Variants in PTPRD observed in about 807,000 individuals in gnomAD.
PTPRD encodes receptor-type tyrosine-protein phosphatase delta.
PTPRD carries 34 observed loss-of-function variants against 214.5 expected under a neutral mutation model. The ratio of observed to expected loss-of-function variants is 0.16; its 90% CI spans 0.12 to 0.21. The LOEUF (loss-of-function observed/expected upper bound fraction) is 0.21, where lower values mean the gene tolerates loss of function less well. Among genes scored for constraint, PTPRD ranks in the 10% least tolerant of loss-of-function variants. The probability of loss-of-function intolerance (pLI) is 1.00; values close to 1 mark genes in which losing one functional copy is unlikely to be tolerated. For synonymous variants in PTPRD, 1,128 were observed against 845.7 expected (o/e 1.33, Z -5.79); for missense variants, 2,545 against 2,398.7 (o/e 1.06, Z -1.27).
At chr9:10,450,764 G>C (rs1344361950) in intron 2 of PTPRD, among the ~76,000 whole-genome samples, 2 of 151,920 alleles carry the variant, frequency 1.3e-5, no homozygotes, top group African/African-American at 4.8e-5. Flanking sequence ...GCTTAATTCA[G>C]AAGACTTAAA....
At chr9:10,394,877 T>C (rs1157905042) in intron 2 of PTPRD, among the ~76,000 whole-genome samples, 1 of 151,830 alleles carries the variant, frequency 6.6e-6, no homozygotes, top group African/African-American at 2.4e-5. Context: ...CCAAAGATAA[T>C]GCTTTTATGG....
At chr9:9,465,575 G>T (rs1463895197) in intron 8 of PTPRD, among the ~76,000 whole-genome samples, 3 of 152,164 alleles carry the variant, frequency 2.0e-5, no homozygotes, top group Non-Finnish European at 4.4e-5. Context: ...GACTTTTTCT[G>T]TCTCTACAGG....
intron 11 of PTPRD, among the ~76,000 whole-genome samples, chr9:8,841,878 G>T (rs893943424): frequency 6.6e-6 from 1 of 151,928 alleles, no homozygotes; most frequent in Non-Finnish European, 1.5e-5. Context: ...AGGTGTGGTG[G>T]CGGACACCGG....
intron 3 of PTPRD, among the ~76,000 whole-genome samples, chr9:10,149,914 A>G (rs1298392001): frequency 6.6e-6 from 1 of 151,914 alleles, no homozygotes; most frequent in Non-Finnish European, 1.5e-5. Context: ...TATTTTTAGT[A>G]GAGATGGGGT....
At chr9:8,423,495 A>G (rs1272924808) in intron 35 of PTPRD, among the ~76,000 whole-genome samples, 1 of 152,146 alleles carries the variant, frequency 6.6e-6, no homozygotes, top group Non-Finnish European at 1.5e-5. Flanking sequence ...TTTTGCATAT[A>G]TGAAAAGGTG....
intron 3 of PTPRD, among the ~76,000 whole-genome samples, chr9:10,082,509 A>G (rs889262454): frequency 3.3e-5 from 5 of 152,094 alleles, no homozygotes; most frequent in African/African-American, 1.2e-4. Context: ...ACTGGAAATT[A>G]GCAAGTACTG....
At chr9:10,500,066 T>C (rs965198539) in intron 2 of PTPRD, among the ~76,000 whole-genome samples, 2 of 151,834 alleles carry the variant, frequency 1.3e-5, no homozygotes, top group Non-Finnish European at 2.9e-5. Flanking sequence ...TATTTTTCTA[T>C]TTTAAATCAT....
rs966695634 is a variant in PTPRD, at chr9:9,179,720, T to C, written c.-143+3584A>G. ...TAATGGAAACCTGATTCTTTTGCCA[T>C]CTAGTTAGATGGTTTTGATTCTGTC... On this transcript the variant is annotated intron_variant, in intron 10 of 45. Coordinates refer to ENST00000381196, the MANE Select transcript of PTPRD (RefSeq NM_002839.4). Among the ~76,000 whole-genome samples, 5 of 152,050 alleles carry C rather than the reference T, an allele frequency of 3.3e-5. No homozygotes were observed. In the East Asian group the frequency reaches 9.7e-4, roughly 29 times the overall value.
At chr9:9,088,607 A>AAAAAAAAAAAAAAAAAAG (rs1569536884) in intron 10 of PTPRD, among the ~76,000 whole-genome samples, 3 of 148,666 alleles carry the variant, frequency 2.0e-5, no homozygotes, top group Admixed American at 6.7e-5. Flanking sequence ...AAAAAAAAAA[A>AAAAAAAAAAAAAAAAAAG]AAGAAGTCTG....
intron 9 of PTPRD, among the ~76,000 whole-genome samples, chr9:9,202,719 C>A (rs1451193502): frequency 2.6e-5 from 4 of 152,198 alleles, no homozygotes; most frequent in African/African-American, 9.7e-5. Context: ...ATCTTCTGAA[C>A]TGCTGCACAT....
intron 7 of PTPRD, among the ~76,000 whole-genome samples, chr9:9,716,493 C>G (rs1032991197): frequency 2.6e-5 from 4 of 152,016 alleles, no homozygotes; most frequent in African/African-American, 9.7e-5. Flanking sequence ...GTTCCTATTT[C>G]TCCACATCCT....
At chr9:9,528,045 C>A (rs1245119427) in intron 8 of PTPRD, among the ~76,000 whole-genome samples, 1 of 152,114 alleles carries the variant, frequency 6.6e-6, no homozygotes, top group Non-Finnish European at 1.5e-5. Flanking sequence ...CATTTCTAGG[C>A]AAGCAAAGGG....
intron 8 of PTPRD, among the ~76,000 whole-genome samples, chr9:9,517,380 G>T (rs530518573): frequency 6.6e-6 from 1 of 152,178 alleles, no homozygotes; most frequent in South Asian, 2.1e-4. Flanking sequence ...TAAAGATGAG[G>T]TAATGTGACA....
intron 2 of PTPRD, among the ~76,000 whole-genome samples, chr9:10,599,538 G>C (rs1248290354): frequency 6.6e-6 from 1 of 151,674 alleles, no homozygotes; most frequent in Non-Finnish European, 1.5e-5. Context: ...GGACAGGGTG[G>C]TTAAGAATTC....
At chr9:9,209,123 G>C (rs546282821) in intron 9 of PTPRD, among the ~76,000 whole-genome samples, 1 of 152,074 alleles carries the variant, frequency 6.6e-6, no homozygotes, top group Non-Finnish European at 1.5e-5. Context: ...TATAACTCCT[G>C]AAAGAATATA....
intron 3 of PTPRD, among the ~76,000 whole-genome samples, chr9:10,300,642 C>T (rs2095834830): frequency 1.3e-5 from 2 of 152,120 alleles, no homozygotes; most frequent in South Asian, 2.1e-4. Context: ...GTAAACAAAG[C>T]CACCAGGAAG....
At chr9:10,398,420 T>G (rs1250851217) in intron 2 of PTPRD, among the ~76,000 whole-genome samples, 2 of 151,962 alleles carry the variant, frequency 1.3e-5, no homozygotes, top group African/African-American at 4.8e-5. Context: ...TTTGTATAAC[T>G]GTATTCTTTT....
chr9:10,454,495 C>T (rs147656379), intron 2 of PTPRD, among the ~76,000 whole-genome samples: 304 of 151,794 alleles, frequency 2.0e-3, no homozygotes, highest in Middle Eastern at 3.4e-3. Flanking sequence ...TTCTCAGCAT[C>T]CACTTCTACC....
intron 2 of PTPRD, among the ~76,000 whole-genome samples, chr9:10,503,328 G>C (rs1199148035): frequency 6.6e-6 from 1 of 150,800 alleles, no homozygotes; most frequent in Non-Finnish European, 1.5e-5. Flanking sequence ...TATAGCAAAA[G>C]AAGGTTCGTT....
Sources: gnomAD v4.1 joint callset for allele counts (sites outside exome capture counted in the v4.1 genomes callset) on GRCh38, gnomAD v4.1.1 for gene constraint, MANE v1.5 for transcripts, NCBI Gene and HGNC (gene_info 2026-07-23, HGNC 2026-07-21) for gene names.